BANF2: variants seen among roughly 807,000 people sequenced by gnomAD.
BANF2 encodes barrier-to-autointegration factor-like protein.
BANF2 carries 4 observed loss-of-function variants against 8.0 expected under a neutral mutation model. That is an observed-to-expected ratio of 0.50 (90% CI 0.25 to 1.14). BANF2 has a LOEUF of 1.14. Ranked by LOEUF, BANF2 falls within the 50% of genes most tolerant of loss-of-function variation. The probability of loss-of-function intolerance (pLI) is 0.16; values close to 1 mark genes in which losing one functional copy is unlikely to be tolerated. For missense variants in BANF2, 96 were observed against 107.5 expected, an observed-to-expected ratio of 0.89 and a Z score of 0.47; for synonymous variants, 50 against 40.6, an observed-to-expected ratio of 1.23 and a Z score of -0.88.
At chr20:17,696,095 GT>G, upstream of BANF2, among the ~76,000 whole-genome samples, 1 of 152,346 alleles carries the variant, frequency 6.6e-6, no homozygotes, top group South Asian at 2.1e-4. Context: ...ACATTTGGGT[GT>G]TTTTGGTTTG....
At chr20:17,707,777 A>G (rs1358117921) in intron 1 of BANF2, among the ~76,000 whole-genome samples, 1 of 151,768 alleles carries the variant, frequency 6.6e-6, no homozygotes, top group East Asian at 2.0e-4. Context: ...ACGAAGTTTC[A>G]CCATGTTACT....
intron 3 of BANF2, among the ~76,000 whole-genome samples, chr20:17,727,369 A>G (rs2037822773): frequency 6.6e-6 from 1 of 152,186 alleles, no homozygotes; most frequent in Non-Finnish European, 1.5e-5. Context: ...CCACTTTACC[A>G]GTGAGGAGAC....
chr20:17,718,816 T>TA (rs1348843937), intron 1 of BANF2, among the ~76,000 whole-genome samples: 2 of 152,244 alleles, frequency 1.3e-5, no homozygotes, highest in Admixed American at 6.5e-5. Context: ...TCTAAGCATC[T>TA]AAAACCAGAA....
upstream of BANF2, among the ~76,000 whole-genome samples, chr20:17,696,488 C>T (rs1022900384): frequency 6.6e-6 from 1 of 152,140 alleles, no homozygotes; most frequent in African/African-American, 2.4e-5. Context: ...TATTGTTGCT[C>T]TTTTTAATAT....
At chr20:17,700,665 G>A (rs910820308) in intron 1 of BANF2, among the ~76,000 whole-genome samples, 4 of 152,198 alleles carry the variant, frequency 2.6e-5, no homozygotes, top group Non-Finnish European at 5.9e-5. Flanking sequence ...AGAACACCAG[G>A]AAAGTGGGCA....
upstream of BANF2, among the ~76,000 whole-genome samples, chr20:17,696,147 A>C (rs2037344853): frequency 6.6e-6 from 1 of 152,122 alleles, no homozygotes; most frequent in South Asian, 2.1e-4. Flanking sequence ...TTCCTGCACA[A>C]ATCTTTTTAT....
chr20:17,735,766 G>A lies in BANF2; in HGVS notation c.228G>A (p.Gln76=). ...CCFGATECEA[Q]QTSHCLKEWC... ...TTGGTGCCACTGAGTGTGAGGCCCA[G>A]CAGACTTCTCACTGCCTCAAGGAGT... The change falls in exon 4 of 4, where the codon CAG becomes CAA. Residue 76 remains glutamine, a synonymous_variant. Coordinates refer to ENST00000246090, the MANE Select transcript of BANF2 (RefSeq NM_178477.5). The A allele has an allele frequency of 1.2e-6, 2 of 1,614,020 alleles. No individual in the cohort carries two copies. The highest frequency in any genetic ancestry group is 1.7e-6 in the Non-Finnish European group (2 of 1,179,968).
chr20:17,728,152 G>C (rs371689785), intron 3 of BANF2, among the ~76,000 whole-genome samples: 1 of 152,098 alleles, frequency 6.6e-6, no homozygotes, highest in Admixed American at 6.5e-5. Context: ...ACCCTCCCCT[G>C]CTCCCCGTCC....
chr20:17,718,551 G>A (rs1332827866), intron 1 of BANF2, among the ~76,000 whole-genome samples: 1 of 152,098 alleles, frequency 6.6e-6, no homozygotes. Context: ...TTGAATCCAT[G>A]TATAGTGTCC....
intron 1 of BANF2, chr20:17,712,136 T>C (rs1212200369): frequency 6.6e-6 from 1 of 152,364 alleles, no homozygotes; most frequent in African/African-American, 2.4e-5. Flanking sequence ...CATGGAGGGG[T>C]GACCAGTCCC....
rs566315358 is a variant in BANF2 at position 17,711,452 on chromosome 20, G to A, written c.-166-11264G>A. Among the ~76,000 whole-genome samples, 247 of 152,370 alleles carry A rather than the reference G, an allele frequency of 1.6e-3. 1 individual carries two copies. The highest frequency in any genetic ancestry group is 5.7e-3 in the African/African-American group (237 of 41,590). On this transcript the variant is annotated intron_variant, in intron 1 of 3. Coordinates refer to ENST00000246090, the MANE Select transcript of BANF2 (RefSeq NM_178477.5). ...CAGAGTAGCTGCAAATTATGTATGT[G>A]TTGGGTGGGGTTCCCTGGAAGCAGA...
chr20:17,697,748 G>A (rs1212264306), upstream of BANF2, among the ~76,000 whole-genome samples: 1 of 152,162 alleles, frequency 6.6e-6, no homozygotes, highest in Non-Finnish European at 1.5e-5. Flanking sequence ...GCACTGATAT[G>A]GTTTGAATAT....
intron 3 of BANF2, among the ~76,000 whole-genome samples, chr20:17,732,809 G>A (rs868556333): frequency 6.6e-6 from 1 of 152,208 alleles, no homozygotes; most frequent in Non-Finnish European, 1.5e-5. Flanking sequence ...GAATTCTGGG[G>A]AGCTCTGGCC....
intron 1 of BANF2, among the ~76,000 whole-genome samples, chr20:17,694,191 G>A (rs1290913293): frequency 6.6e-6 from 1 of 152,242 alleles, no homozygotes; most frequent in African/African-American, 2.4e-5. Flanking sequence ...CCACAAGGTG[G>A]TATGGGATGG....
rs557780108 is a variant in BANF2 at position 17,727,684 on chromosome 20, A to G, written c.126+2533A>G. 1.1e-3 allele frequency among the ~76,000 whole-genome samples: 161 copies of G among 151,802 alleles called. 1 individual carries two copies. The highest frequency in any genetic ancestry group is 3.6e-3 in the African/African-American group (150 of 41,404). On this transcript the variant is annotated intron_variant, in intron 3 of 3. Transcript: ENST00000246090. ...CTGGGCGGGCAGATCCTGGCAGGACAGGGTTCTCAGATTTAGCCAATAAAG... is the reference window on the plus strand; with the variant it reads ...CTGGGCGGGCAGATCCTGGCAGGACGGGGTTCTCAGATTTAGCCAATAAAG...
chr20:17,734,916 G>A (rs1333649132), intron 3 of BANF2, among the ~76,000 whole-genome samples: 13 of 151,986 alleles, frequency 8.6e-5, no homozygotes, highest in Admixed American at 5.9e-4. Flanking sequence ...GCAAAACCCC[G>A]TCTCTACTAA....
intron 2 of BANF2, 111 bp from the exon 3 acceptor site, chr20:17,724,912 G>A: frequency 1.8e-6 from 2 of 1,120,022 alleles, no homozygotes; most frequent in East Asian, 2.5e-5. Context: ...AAGGAATTCT[G>A]CCATCTGTTG....
chr20:17,707,818 G>T (rs1787203821), intron 1 of BANF2, among the ~76,000 whole-genome samples: 1 of 151,808 alleles, frequency 6.6e-6, no homozygotes. Context: ...GACCTCAGAT[G>T]ATCCACCCAC....
chr20:17,718,198 G>A (rs117039856), intron 1 of BANF2, among the ~76,000 whole-genome samples: 49 of 147,518 alleles, frequency 3.3e-4, no homozygotes, highest in East Asian at 2.7e-3. Flanking sequence ...AGAGGTGTTC[G>A]TTTGTTTGTT....
Sources: allele counts gnomAD v4.1 joint callset (sites outside exome capture counted in the v4.1 genomes callset), GRCh38; gene constraint gnomAD v4.1.1; transcripts MANE v1.5; gene names NCBI Gene and HGNC (gene_info 2026-07-23, HGNC 2026-07-21).